FMN1: variants seen among roughly 807,000 people sequenced by gnomAD.
FMN1 encodes the protein formin-1.
Under a neutral mutation model 132.4 loss-of-function variants are expected in FMN1, and 110 were observed. That is an observed-to-expected ratio of 0.83 (90% confidence interval 0.71 to 0.97). The LOEUF (loss-of-function observed/expected upper bound fraction) is 0.97, where lower values mean the gene tolerates loss of function less well. Ranked by LOEUF, FMN1 falls within the 50% of genes least tolerant of loss-of-function variation. The pLI, the probability that FMN1 is intolerant of heterozygous loss-of-function variation, is 0.00. For synonymous variants in FMN1, 722 were observed against 651.7 expected (o/e 1.11, Z -1.64); for missense variants, 1,792 against 1,705.3 (o/e 1.05, Z -0.90).
chr15:33,146,918 T>C (rs1964244922), intron 4 of FMN1, among the ~76,000 whole-genome samples: 1 of 152,118 alleles, frequency 6.6e-6, no homozygotes, highest in Non-Finnish European at 1.5e-5. Flanking sequence ...CTCACCCCTG[T>C]AATCCCAGAA....
At chr15:33,021,346 G>C (rs924134594) in intron 6 of FMN1, among the ~76,000 whole-genome samples, 2 of 142,068 alleles carry the variant, frequency 1.4e-5, no homozygotes, top group Admixed American at 1.4e-4. Context: ...AATACACTTG[G>C]TAAGTTTTCA....
intron 9 of FMN1, among the ~76,000 whole-genome samples, chr15:32,954,459 T>C (rs1261792908): frequency 6.6e-6 from 1 of 152,222 alleles, no homozygotes; most frequent in Non-Finnish European, 1.5e-5. Flanking sequence ...CATGACCAGA[T>C]CCTTGGAATT....
intron 13 of FMN1, among the ~76,000 whole-genome samples, chr15:32,900,746 C>T (rs1030991620): frequency 3.3e-5 from 5 of 152,072 alleles, no homozygotes; most frequent in African/African-American, 4.8e-5. Flanking sequence ...TCTTTGTCTC[C>T]CTGTCTCATT....
At chr15:33,008,771 C>A (rs923804128) in intron 6 of FMN1, among the ~76,000 whole-genome samples, 2 of 152,190 alleles carry the variant, frequency 1.3e-5, no homozygotes, top group Non-Finnish European at 2.9e-5. Context: ...GCTGTCAAGA[C>A]AACTTTATTT....
chr15:32,986,747 T>G (rs1272642503), intron 7 of FMN1, among the ~76,000 whole-genome samples: 1 of 152,160 alleles, frequency 6.6e-6, no homozygotes, highest in Non-Finnish European at 1.5e-5. Flanking sequence ...CATTTTGACT[T>G]GATTCTCTTC....
chr15:32,932,713 G>A (rs927362296), intron 9 of FMN1, among the ~76,000 whole-genome samples: 1 of 152,126 alleles, frequency 6.6e-6, no homozygotes, highest in African/African-American at 2.4e-5. Flanking sequence ...ACTTCATCAT[G>A]ATTCAGTCCT....
chr15:32,969,072 G>A lies in FMN1; in HGVS notation c.2629C>T (p.Pro877Ser). The change falls in exon 8 of 21, where the codon CCC becomes TCC. Residue 877 changes from proline to serine, a missense_variant. Physicochemically the swap from Pro to Ser is moderately conservative, Grantham distance 74. This residue lies in a region of FMN1 where 1,150 missense variants were observed against 1,043.1 expected (regional missense o/e 1.10). Coordinates refer to ENST00000616417, the MANE Select transcript of FMN1 (RefSeq NM_001277313.2). ...AGTCCTGAGGGGAGGGGCGGAGGGGGAGGGATGGATGCGGGAGGCGGAGGC... is the reference window on the plus strand; with the variant it reads ...AGTCCTGAGGGGAGGGGCGGAGGGGAAGGGATGGATGCGGGAGGCGGAGGC... ...ALPPPPASIPPPPPLPSGLGS... is the reference protein window; with the variant it reads ...ALPPPPASIPSPPPLPSGLGS... 1.9e-6 allele frequency: 3 copies of A among 1,585,914 alleles called. No individual in the cohort carries two copies. The highest frequency in any genetic ancestry group is 1.3e-5 in the African/African-American group (1 of 74,498).
rs547476889 is a variant in FMN1, at chr15:32,810,613, A to C, written c.3929-6281T>G. ...TCAGACTAAGAACATTCACCATTTA[A>C]ATGTACCCAAATAACCGAAGTTTTT... On this transcript the variant is annotated intron_variant, in intron 17 of 20. Transcript: ENST00000616417. Among the ~76,000 whole-genome samples the C allele has an allele frequency of 7.5e-4, 114 of 152,338 alleles. 2 individuals are homozygous for C. Among genetic ancestry groups the C allele is most frequent in the Admixed American group, 4.6e-4 (7 of 15,306 alleles).
chr15:32,953,957 C>G (rs892066479), intron 9 of FMN1, among the ~76,000 whole-genome samples: 2 of 152,180 alleles, frequency 1.3e-5, no homozygotes, highest in Non-Finnish European at 2.9e-5. Flanking sequence ...GGGAACGTAT[C>G]CACATTCAGC....
intron 6 of FMN1, among the ~76,000 whole-genome samples, chr15:33,017,423 A>ACT (rs201337884): frequency 5.4e-5 from 5 of 92,806 alleles, no homozygotes; most frequent in African/African-American, 2.0e-4. Flanking sequence ...GTGAGAGGGA[A>ACT]CTCTACTTTC....
intron 10 of FMN1, among the ~76,000 whole-genome samples, chr15:32,924,432 C>T (rs1158838760): frequency 6.6e-6 from 1 of 152,148 alleles, no homozygotes; most frequent in South Asian, 2.1e-4. Flanking sequence ...GTGAAAGTAA[C>T]TTAAGTGTCT....
At chr15:33,079,637 G>GA (rs1442418225) in intron 5 of FMN1, among the ~76,000 whole-genome samples, 1 of 152,214 alleles carries the variant, frequency 6.6e-6, no homozygotes, top group Non-Finnish European at 1.5e-5. Flanking sequence ...AAAGAAAGCT[G>GA]AGCTGTTAGC....
chr15:33,145,810 C>G (rs1478697804), intron 4 of FMN1, among the ~76,000 whole-genome samples: 2 of 152,006 alleles, frequency 1.3e-5, no homozygotes, highest in Non-Finnish European at 2.9e-5. Flanking sequence ...CACAATTCCT[C>G]TGGGCTCACC....
chr15:32,946,655 T>C (rs1035087682), intron 9 of FMN1, among the ~76,000 whole-genome samples: 1 of 152,148 alleles, frequency 6.6e-6, no homozygotes, highest in Admixed American at 6.6e-5. Flanking sequence ...ATAAAATCTA[T>C]CTTCCATAAA....
intron 4 of FMN1, among the ~76,000 whole-genome samples, chr15:33,099,823 T>C (rs2039227176): frequency 6.6e-6 from 1 of 152,218 alleles, no homozygotes; most frequent in Admixed American, 6.5e-5. Context: ...TGGTATGAGT[T>C]ACCATTTCTG....
chr15:33,128,171 A>T (rs1963294314), intron 4 of FMN1, among the ~76,000 whole-genome samples: 1 of 144,794 alleles, frequency 6.9e-6, no homozygotes, highest in Non-Finnish European at 1.5e-5. Flanking sequence ...TGGAGAAATA[A>T]AGCAAGCAAA....
chr15:32,902,827 G>A (rs2060330420), intron 12 of FMN1, among the ~76,000 whole-genome samples: 1 of 152,282 alleles, frequency 6.6e-6, no homozygotes, highest in African/African-American at 2.4e-5. Context: ...ACCAGAGGAA[G>A]GGGTATAAAT....
At chr15:33,116,149 T>G (rs1208797153) in intron 4 of FMN1, among the ~76,000 whole-genome samples, 3 of 152,194 alleles carry the variant, frequency 2.0e-5, no homozygotes, top group Non-Finnish European at 2.9e-5. Context: ...CTTAGCCTTA[T>G]TAGTAGTTAC....
intron 15 of FMN1, among the ~76,000 whole-genome samples, chr15:32,889,028 AT>A (rs1158324860): frequency 6.6e-6 from 1 of 151,814 alleles, no homozygotes; most frequent in East Asian, 1.9e-4. Flanking sequence ...CTAATTTTTA[AT>A]TTTTTGTAGA....
Sources: gnomAD v4.1 joint callset for allele counts (sites outside exome capture counted in the v4.1 genomes callset) on GRCh38, gnomAD v4.1.1 for gene constraint, gnomAD v4.1.1 regional missense constraint, MANE v1.5 for transcripts, NCBI Gene and HGNC (gene_info 2026-07-23, HGNC 2026-07-21) for gene names.